The following KCNMA1 variants were observed in gnomAD, a reference collection of about 807,000 sequenced individuals.
KCNMA1 encodes the protein Calcium-activated potassium channel subunit alpha-1.
KCNMA1 carries 29 observed loss-of-function variants against 140.0 expected under a neutral mutation model. The ratio of observed to expected loss-of-function variants is 0.21; its 90% confidence interval spans 0.15 to 0.28. The LOEUF (loss-of-function observed/expected upper bound fraction) is 0.28, where lower values mean the gene tolerates loss of function less well. Ranked by LOEUF, KCNMA1 falls within the 10% of genes least tolerant of loss-of-function variation. The pLI is 1.00. For synonymous variants in KCNMA1, 612 were observed against 611.9 expected, an observed-to-expected ratio of 1.00 and a Z score of 0.00; for missense variants, 880 against 1,602.2, an observed-to-expected ratio of 0.55 and a Z score of 7.70.
chr10:76,967,211 G>A (rs911952159), intron 20 of KCNMA1, among the ~76,000 whole-genome samples: 2 of 152,200 alleles, frequency 1.3e-5, no homozygotes, highest in East Asian at 1.9e-4. Flanking sequence ...AAACCTGCCC[G>A]CATTCAGAAT....
chr10:77,096,472 A>G (rs1443656849), intron 9 of KCNMA1, among the ~76,000 whole-genome samples: 1 of 152,058 alleles, frequency 6.6e-6, no homozygotes, highest in Non-Finnish European at 1.5e-5. Flanking sequence ...TCCCTCAAAA[A>G]AGCCAAAGAG....
intron 5 of KCNMA1, among the ~76,000 whole-genome samples, chr10:77,135,693 G>T (rs971522741): frequency 5.3e-5 from 8 of 152,174 alleles, no homozygotes; most frequent in Admixed American, 3.3e-4. Flanking sequence ...TTGCAACAAT[G>T]TGGATGAACC....
chr10:77,026,396 G>A (rs2093465787), intron 16 of KCNMA1, among the ~76,000 whole-genome samples: 1 of 152,164 alleles, frequency 6.6e-6, no homozygotes, highest in Admixed American at 6.5e-5. Flanking sequence ...GCAACACGGG[G>A]AATATCATTT....
chr10:76,945,057 G>C, intron 22 of KCNMA1, 92 bp from the exon 23 acceptor site: 6 of 1,048,408 alleles, frequency 5.7e-6, no homozygotes, highest in Non-Finnish European at 8.9e-6. Context: ...GAGAGGGAAA[G>C]AGGAAAACAA....
intron 2 of KCNMA1, among the ~76,000 whole-genome samples, chr10:77,343,118 G>C (rs991391289): frequency 6.6e-6 from 1 of 152,078 alleles, no homozygotes; most frequent in Non-Finnish European, 1.5e-5. Flanking sequence ...ATGGATCCCA[G>C]GGGACCCCAG....
At chr10:77,371,083 C>T (rs187027796) in intron 2 of KCNMA1, among the ~76,000 whole-genome samples, 46 of 152,330 alleles carry the variant, frequency 3.0e-4, no homozygotes, top group African/African-American at 1.1e-3. Flanking sequence ...CAGGCTAGCA[C>T]CGCCCAGCGT....
intron 1 of KCNMA1, among the ~76,000 whole-genome samples, chr10:77,426,940 C>T (rs1472085750): frequency 1.3e-5 from 2 of 152,234 alleles, no homozygotes; most frequent in African/African-American, 4.8e-5. Context: ...GTAATTGCAA[C>T]ACAGGATTCA....
intron 20 of KCNMA1, among the ~76,000 whole-genome samples, chr10:76,958,582 TA>T (rs1381163125): frequency 6.6e-6 from 1 of 152,174 alleles, no homozygotes; most frequent in Non-Finnish European, 1.5e-5. Context: ...GTAATTAAGT[TA>T]AAATTAGGTC....
chr10:77,192,752 T>C (rs1007470110), intron 3 of KCNMA1, among the ~76,000 whole-genome samples: 3 of 152,226 alleles, frequency 2.0e-5, no homozygotes, highest in Non-Finnish European at 4.4e-5. Flanking sequence ...GAACAAAAAC[T>C]GATAGGATCA....
intron 1 of KCNMA1, among the ~76,000 whole-genome samples, chr10:77,561,023 A>G (rs2066194350): frequency 2.7e-5 from 4 of 150,580 alleles, no homozygotes; most frequent in East Asian, 2.0e-4. Context: ...AGGCTGGGAC[A>G]GGGGAACGGC....
intron 1 of KCNMA1, among the ~76,000 whole-genome samples, chr10:77,438,415 T>A (rs1015017380): frequency 6.6e-6 from 1 of 151,736 alleles, no homozygotes; most frequent in Non-Finnish European, 1.5e-5. Flanking sequence ...AATACAAAAT[T>A]AGCCGGGCGT....
At chr10:77,256,778 T>C (rs1232887166) in intron 2 of KCNMA1, among the ~76,000 whole-genome samples, 2 of 152,286 alleles carry the variant, frequency 1.3e-5, no homozygotes, top group Admixed American at 6.5e-5. Flanking sequence ...ATTTTCTATA[T>C]ATGATCCCAA....
At chr10:77,529,130 A>C (rs1299837169) in intron 1 of KCNMA1, among the ~76,000 whole-genome samples, 1 of 151,932 alleles carries the variant, frequency 6.6e-6, no homozygotes, top group Non-Finnish European at 1.5e-5. Flanking sequence ...CAGCACTCAG[A>C]CTCTTCTCCC....
chr10:77,547,893 A>T (rs2061815261), intron 1 of KCNMA1, among the ~76,000 whole-genome samples: 1 of 152,136 alleles, frequency 6.6e-6, no homozygotes, highest in African/African-American at 2.4e-5. Context: ...AGCCATGCTC[A>T]TCTGTTCTGG....
chr10:77,326,013 C>G (rs1008282711), intron 2 of KCNMA1, among the ~76,000 whole-genome samples: 6 of 152,160 alleles, frequency 3.9e-5, no homozygotes, highest in Non-Finnish European at 8.8e-5. Context: ...TCTTCCCCCC[C>G]ATTTCTAAGG....
At chr10:77,621,613 A>G (rs145935657) in intron 1 of KCNMA1, among the ~76,000 whole-genome samples, 1 of 152,290 alleles carries the variant, frequency 6.6e-6, no homozygotes, top group African/African-American at 2.4e-5. Context: ...CTCTGTGTAC[A>G]GTGTAAGTGT....
intron 5 of KCNMA1, among the ~76,000 whole-genome samples, chr10:77,137,057 C>T (rs962827814): frequency 1.1e-4 from 16 of 152,132 alleles, no homozygotes; most frequent in African/African-American, 3.9e-4. Flanking sequence ...GGATCTTGAA[C>T]TCCCTTCTCA....
intron 16 of KCNMA1, among the ~76,000 whole-genome samples, chr10:77,025,999 AT>A (rs528350039): frequency 0.11 from 11,193 of 99,532 alleles, 442 homozygotes; most frequent in East Asian, 0.15. Context: ...GAAAAAAAAA[AT>A]ATATATATAT....
At chr10:77,554,968 T>C (rs1019479422) in intron 1 of KCNMA1, among the ~76,000 whole-genome samples, 3 of 152,082 alleles carry the variant, frequency 2.0e-5, no homozygotes, top group Non-Finnish European at 4.4e-5. Flanking sequence ...TCTCATAATA[T>C]GAAAGTGACT....
Sources: allele counts gnomAD v4.1 joint callset (sites outside exome capture counted in the v4.1 genomes callset), GRCh38; gene constraint gnomAD v4.1.1; transcripts MANE v1.5; gene names NCBI Gene and HGNC (gene_info 2026-07-23, HGNC 2026-07-21).